RANBP2: variants seen among roughly 807,000 people sequenced by gnomAD.
RANBP2 encodes RAN binding protein 2.
A neutral mutation model predicts 303.6 loss-of-function variants in RANBP2; 57 were observed. The observed-to-expected ratio is 0.19, with a 90% CI of 0.15 to 0.23. The LOEUF is 0.23. RANBP2 is among the 10% of genes least tolerant of loss of function. The probability of loss-of-function intolerance (pLI) is 1.00; values close to 1 mark genes in which losing one functional copy is unlikely to be tolerated. For missense variants in RANBP2, 3,138 were observed against 3,780.8 expected, an observed-to-expected ratio of 0.83 and a Z score of 4.46; for synonymous variants, 1,167 against 1,301.5, an observed-to-expected ratio of 0.90 and a Z score of 2.23.
chr2:108,935,709 T>C, the RANBP2 span, among the ~76,000 whole-genome samples: 2 of 152,168 alleles, frequency 1.3e-5, no homozygotes, highest in South Asian at 4.1e-4. Context: ...TTAGAGTTCA[T>C]TCATTTATTC....
At chr2:108,926,700 G>T in the RANBP2 span, among the ~76,000 whole-genome samples, 1 of 152,202 alleles carries the variant, frequency 6.6e-6, no homozygotes, top group Non-Finnish European at 1.5e-5. Context: ...AAAGCCTCGG[G>T]TGCTGCTCAT....
At chr2:109,659,395 A>G in the RANBP2 span, among the ~76,000 whole-genome samples, 1 of 151,826 alleles carries the variant, frequency 6.6e-6, no homozygotes, top group African/African-American at 2.4e-5. Context: ...ACAAAAAAAC[A>G]AAAAAAACAA....
the RANBP2 span, among the ~76,000 whole-genome samples, chr2:109,422,731 C>G: frequency 6.6e-6 from 1 of 152,172 alleles, no homozygotes; most frequent in African/African-American, 2.4e-5. Flanking sequence ...CAGAGGGTCT[C>G]AAGGTTGATG....
In RANBP2 at chr2:108,785,188, C is replaced by T. The variant is rs1231510521; in HGVS notation, c.*1287C>T. The T allele has an allele frequency of 6.6e-6, 1 of 152,164 alleles. No individual in the cohort carries two copies. Among genetic ancestry groups the T allele is most frequent in the East Asian group, 1.9e-4 (1 of 5,190 alleles). 9.4% of individuals were successfully genotyped at this position (152,164 alleles called of 1,614,324 possible). ...AAATTGGGTATCCTAAAGCAAGTAA[C>T]TGTTCAACCACCAGTCAAAAGAGGG... On this transcript the variant is annotated 3_prime_UTR_variant, in exon 29 of 29. Coordinates refer to ENST00000283195, the MANE Select transcript of RANBP2 (RefSeq NM_006267.5).
At chr2:109,799,281 T>C in the RANBP2 span, among the ~76,000 whole-genome samples, 1 of 128,696 alleles carries the variant, frequency 7.8e-6, no homozygotes, top group South Asian at 2.7e-4. Flanking sequence ...GCCTTGTTCC[T>C]TTATGTGCTG....
At chr2:109,398,795 C>A in the RANBP2 span, 1 of 1,613,816 alleles carries the variant, frequency 6.2e-7, no homozygotes, top group Non-Finnish European at 8.5e-7. Context: ...TCCTTCACCG[C>A]GCTCAGTGTG....
the RANBP2 span, among the ~76,000 whole-genome samples, chr2:108,983,579 G>A: frequency 7.2e-5 from 11 of 152,192 alleles, no homozygotes; most frequent in East Asian, 1.9e-4. Context: ...CTCCTCCCTC[G>A]TGATCCATCT....
the RANBP2 span, chr2:109,313,611 C>A: frequency 6.4e-6 from 1 of 155,082 alleles, no homozygotes; most frequent in Middle Eastern, 5.2e-4. Flanking sequence ...GAGTAGGGGC[C>A]CCGGCCAGCA....
the RANBP2 span, chr2:108,878,424 C>A: frequency 4.6e-6 from 1 of 215,852 alleles, no homozygotes; most frequent in South Asian, 7.9e-5. Flanking sequence ...GGTACAGTTC[C>A]AAGAGGAGAC....
the RANBP2 span, among the ~76,000 whole-genome samples, chr2:109,299,027 C>G: frequency 6.6e-6 from 1 of 152,232 alleles, no homozygotes; most frequent in African/African-American, 2.4e-5. Flanking sequence ...ATGTCTCCCC[C>G]CAGTGCCCTC....
chr2:109,408,035 T>C, the RANBP2 span, among the ~76,000 whole-genome samples: 7 of 152,152 alleles, frequency 4.6e-5, no homozygotes, highest in Non-Finnish European at 7.3e-5. Context: ...GGAAAGATCC[T>C]TGGGTCTTCT....
the RANBP2 span, among the ~76,000 whole-genome samples, chr2:109,172,233 G>A: frequency 6.6e-6 from 1 of 152,212 alleles, no homozygotes; most frequent in Non-Finnish European, 1.5e-5. Context: ...TGAGCACAGC[G>A]TCTGAAGTAT....
At chr2:109,733,098 GA>G in the RANBP2 span, 1 of 540,350 alleles carries the variant, frequency 1.9e-6, no homozygotes, top group Non-Finnish European at 3.7e-6. Context: ...GGAGTTAGGA[GA>G]AGAGAGAGAT....
At chr2:109,031,647 G>C in the RANBP2 span, among the ~76,000 whole-genome samples, 2 of 152,100 alleles carry the variant, frequency 1.3e-5, no homozygotes, top group African/African-American at 2.4e-5. Context: ...GCCGGGAAGC[G>C]CCCGCTGGAG....
chr2:109,098,931 TTTG>T, the RANBP2 span, among the ~76,000 whole-genome samples: 3 of 152,216 alleles, frequency 2.0e-5, no homozygotes, highest in Admixed American at 1.3e-4. Flanking sequence ...CTGAGTTTGT[TTTG>T]TTGTTGTCAA....
the RANBP2 span, among the ~76,000 whole-genome samples, chr2:109,156,090 A>C: frequency 6.6e-6 from 1 of 152,154 alleles, no homozygotes; most frequent in African/African-American, 2.4e-5. Context: ...TTTGGCTGCC[A>C]CTTTGCAGGA....
the RANBP2 span, among the ~76,000 whole-genome samples, chr2:109,002,046 G>A: frequency 1.3e-5 from 2 of 152,116 alleles, no homozygotes; most frequent in African/African-American, 2.4e-5. Context: ...AGCCTTTAAC[G>A]GAGCCCAAAA....
At chr2:108,967,171 C>T in the RANBP2 span, among the ~76,000 whole-genome samples, 1 of 152,158 alleles carries the variant, frequency 6.6e-6, no homozygotes, top group African/African-American at 2.4e-5. Flanking sequence ...CTGCCCTCAA[C>T]TGATCCACCT....
the RANBP2 span, among the ~76,000 whole-genome samples, chr2:109,692,565 T>A: frequency 6.6e-6 from 1 of 152,174 alleles, no homozygotes; most frequent in East Asian, 1.9e-4. Context: ...GGTTTTTGTT[T>A]GGTTTTGGCT....
Sources: gnomAD v4.1 joint callset for allele counts (sites outside exome capture counted in the v4.1 genomes callset) on GRCh38, gnomAD v4.1.1 for gene constraint, MANE v1.5 for transcripts, NCBI Gene and HGNC (gene_info 2026-07-23, HGNC 2026-07-21) for gene names.